Variants in OSBPL1A observed in about 807,000 individuals in gnomAD.
OSBPL1A encodes the protein oxysterol-binding protein-related protein 1.
OSBPL1A carries 80 observed loss-of-function variants against 137.1 expected under a neutral mutation model. The ratio of observed to expected loss-of-function variants is 0.58; its 90% CI spans 0.49 to 0.70. The LOEUF (loss-of-function observed/expected upper bound fraction) is 0.70. Ranked by LOEUF, OSBPL1A falls within the 30% of genes least tolerant of loss-of-function variation. OSBPL1A has a pLI of 0.00. For synonymous variants in OSBPL1A, 365 were observed against 389.7 expected (o/e 0.94, Z 0.75); for missense variants, 970 against 1,129.4 (o/e 0.86, Z 2.02).
At chr18:24,208,476 C>T (rs1005411433) in intron 17 of OSBPL1A, among the ~76,000 whole-genome samples, 4 of 152,156 alleles carry the variant, frequency 2.6e-5, no homozygotes, top group African/African-American at 9.7e-5. Flanking sequence ...TCTCTCTACT[C>T]CTTCTTTGTC....
chr18:24,273,301 A>G (rs1238770595), intron 15 of OSBPL1A, among the ~76,000 whole-genome samples: 5 of 152,240 alleles, frequency 3.3e-5, no homozygotes, highest in Non-Finnish European at 7.3e-5. Context: ...GTATGGAAAG[A>G]GGAGTCCCTG....
intron 14 of OSBPL1A, among the ~76,000 whole-genome samples, chr18:24,282,756 C>A (rs2089984103): frequency 6.6e-6 from 1 of 152,068 alleles, no homozygotes; most frequent in African/African-American, 2.4e-5. Flanking sequence ...TTTAAGAAGT[C>A]TTTTCATCAA....
chr18:24,318,732 A>G lies in OSBPL1A; in HGVS notation c.687+16T>C, dbSNP rs1244917072. 6.2e-7 allele frequency: 1 copy of G among 1,605,480 alleles called. No individual in the cohort carries two copies. Among genetic ancestry groups the G allele is most frequent in the Admixed American group, 1.7e-5 (1 of 59,328 alleles). On this transcript the variant is annotated intron_variant, in intron 8 of 27. Transcript: ENST00000319481. ...TTCTAAAAATTATTAGATAAATTTA[A>G]TTCATTACTCTGTACCTTATTACCA...
chr18:24,304,431 T>C (rs1299818168), intron 13 of OSBPL1A, among the ~76,000 whole-genome samples: 2 of 152,204 alleles, frequency 1.3e-5, no homozygotes, highest in Non-Finnish European at 2.9e-5. Flanking sequence ...ATTTATTACA[T>C]TAAAAATGTC....
chr18:24,180,015 T>G (rs2086558697), intron 19 of OSBPL1A, among the ~76,000 whole-genome samples, 180 bp from the exon 20 acceptor site: 1 of 152,356 alleles, frequency 6.6e-6, no homozygotes, highest in South Asian at 2.1e-4. Context: ...AGAATGAAAA[T>G]TACTTTCAGT....
At chr18:24,349,902 G>A (rs2091409520) in intron 4 of OSBPL1A, among the ~76,000 whole-genome samples, 1 of 152,166 alleles carries the variant, frequency 6.6e-6, no homozygotes, top group Admixed American at 6.5e-5. Flanking sequence ...CTTCAGAATT[G>A]TGAAATAATA....
Position 24,327,268 on chromosome 18 carries a change from C to T in OSBPL1A, c.625+5674G>A, listed in dbSNP as rs770415852. 7.9e-5 allele frequency among the ~76,000 whole-genome samples: 12 copies of T among 151,634 alleles called. No homozygotes were observed. In the East Asian group the frequency reaches 9.7e-4, roughly 12 times the overall value. ...GATTACAGGCGTGCTCCACCATGCCCGGCTAATTTTGTATTTTTAGTAAAG... is the reference window on the plus strand; with the variant it reads ...GATTACAGGCGTGCTCCACCATGCCTGGCTAATTTTGTATTTTTAGTAAAG... On this transcript the variant is annotated intron_variant, in intron 7 of 27. Transcript: ENST00000319481.
At chr18:24,353,683 G>A (rs1369560729) in intron 4 of OSBPL1A, among the ~76,000 whole-genome samples, 2 of 151,224 alleles carry the variant, frequency 1.3e-5, no homozygotes, top group African/African-American at 4.9e-5. Flanking sequence ...GTCCAACAAT[G>A]ATAGACTGGA....
At chr18:24,239,167 A>G (rs2088597925) in intron 16 of OSBPL1A, 53 bp downstream of exon 16, 1 of 1,588,478 alleles carries the variant, frequency 6.3e-7, no homozygotes, top group Admixed American at 1.8e-5. Flanking sequence ...TTGCTCATTT[A>G]GGTGGTGGAC....
chr18:24,256,162 A>G (rs985671392), intron 15 of OSBPL1A, among the ~76,000 whole-genome samples: 1 of 152,194 alleles, frequency 6.6e-6, no homozygotes, highest in South Asian at 2.1e-4. Flanking sequence ...AAAACCAAAG[A>G]CACATCACAA....
At chr18:24,241,049 G>C (rs560733668) in intron 15 of OSBPL1A, among the ~76,000 whole-genome samples, 2 of 152,320 alleles carry the variant, frequency 1.3e-5, no homozygotes, top group South Asian at 4.1e-4. Context: ...TTAATAAATA[G>C]TGTTGGGAAA....
chr18:24,311,903 T>G, intron 13 of OSBPL1A, 81 bp downstream of exon 13: 1 of 1,501,720 alleles, frequency 6.7e-7, no homozygotes, highest in African/African-American at 1.4e-5. Context: ...TTTCAAAACC[T>G]TACATCTTAA....
chr18:24,244,462 AC>A (rs2088821691), intron 15 of OSBPL1A, among the ~76,000 whole-genome samples: 1 of 152,240 alleles, frequency 6.6e-6, no homozygotes, highest in East Asian at 1.9e-4. Context: ...TGGAATATAC[AC>A]CCTCAGTCCA....
chr18:24,250,852 G>A (rs1342083930), intron 15 of OSBPL1A, among the ~76,000 whole-genome samples: 1 of 152,180 alleles, frequency 6.6e-6, no homozygotes, highest in African/African-American at 2.4e-5. Context: ...TTCTGGACCT[G>A]CCCTGGGCCA....
intron 7 of OSBPL1A, chr18:24,321,758 T>G (rs770165116): frequency 3.8e-5 from 18 of 472,836 alleles, no homozygotes; most frequent in Non-Finnish European, 7.4e-5. Flanking sequence ...ACAAATAAAT[T>G]TTTTAAAAAG....
intron 18 of OSBPL1A, among the ~76,000 whole-genome samples, chr18:24,183,177 T>G (rs996474346): frequency 6.6e-6 from 1 of 152,020 alleles, no homozygotes; most frequent in Non-Finnish European, 1.5e-5. Context: ...CACCTGGCCT[T>G]CTATTTTTCA....
chr18:24,272,609 C>T (rs1369046202), intron 15 of OSBPL1A, among the ~76,000 whole-genome samples: 1 of 152,184 alleles, frequency 6.6e-6, no homozygotes, highest in Non-Finnish European at 1.5e-5. Flanking sequence ...CTGTAACACT[C>T]TGATGGAGGG....
At chr18:24,368,713 T>C (rs530673012) in intron 2 of OSBPL1A, 59 of 205,840 alleles carry the variant, frequency 2.9e-4, no homozygotes, top group African/African-American at 1.2e-3. Flanking sequence ...AGGGGTTTTA[T>C]TGACATAGTT....
At chr18:24,310,145 A>G (rs981596145) in intron 13 of OSBPL1A, among the ~76,000 whole-genome samples, 1 of 152,010 alleles carries the variant, frequency 6.6e-6, no homozygotes, top group African/African-American at 2.4e-5. Flanking sequence ...TTAACACTAT[A>G]GTGCTAAAAC....
Sources: gnomAD v4.1 joint callset for allele counts (sites outside exome capture counted in the v4.1 genomes callset) on GRCh38, gnomAD v4.1.1 for gene constraint, MANE v1.5 for transcripts, NCBI Gene and HGNC (gene_info 2026-07-23, HGNC 2026-07-21) for gene names.